Variants in CFAP54 observed in about 807,000 individuals in gnomAD.
CFAP54 encodes cilia and flagella associated protein 54, also known as cilia- and flagella-associated protein 54.
Under a neutral mutation model 370.4 loss-of-function variants are expected in CFAP54, and 290 were observed. The ratio of observed to expected loss-of-function variants is 0.78; its 90% CI spans 0.71 to 0.86. The LOEUF (loss-of-function observed/expected upper bound fraction) is 0.86. Ranked by LOEUF, CFAP54 falls within the 40% of genes least tolerant of loss-of-function variation. The pLI is 0.00. For synonymous variants in CFAP54, 1,206 were observed against 1,236.5 expected, an observed-to-expected ratio of 0.98 and a Z score of 0.52; for missense variants, 3,399 against 3,528.7, an observed-to-expected ratio of 0.96 and a Z score of 0.93.
chr12:96,643,574 T>A (rs1184453210), intron 32 of CFAP54, among the ~76,000 whole-genome samples: 2 of 152,352 alleles, frequency 1.3e-5, no homozygotes, highest in East Asian at 3.9e-4. Context: ...TGCAAGTAAT[T>A]GGACTACTTT....
At position 96,580,602 on chromosome 12, in the gene CFAP54, C is replaced by T; in HGVS notation, c.2802C>T (p.Ser934=). 2 of 1,514,480 alleles carry T rather than the reference C, an allele frequency of 1.3e-6. No individual in the cohort carries two copies. The highest frequency in any genetic ancestry group is 1.8e-6 in the Non-Finnish European group (2 of 1,136,032). The allele number at this position is 1,514,480 out of a possible 1,614,324, so 93.8% of individuals were successfully genotyped here. The change falls in exon 21 of 68, where the codon TCC becomes TCT. Residue 934 remains serine (S), a synonymous_variant. Transcript: ENST00000524981. ...CTCATTTTTCTCGTCGGCAGGTCTC[C>T]TGGTACTGCATTTTGGGTTGCAAAG... is the stretch of plus-strand genomic sequence containing the variant. ...PAPFTSEVKV[S]WYCILGCKAE... is the part of the protein sequence containing the mutation.
intron 39 of CFAP54, among the ~76,000 whole-genome samples, chr12:96,664,707 ATATATATCTATATATATC>A (rs1957045255): frequency 8.6e-5 from 1 of 11,640 alleles, no homozygotes; most frequent in Admixed American, 1.0e-3. Flanking sequence ...CTATATATAT[ATATATATCTATATATATC>A]TATATATATA....
At chr12:96,781,586 A>C (rs1411869861) in intron 60 of CFAP54, among the ~76,000 whole-genome samples, 1 of 152,178 alleles carries the variant, frequency 6.6e-6, no homozygotes, top group Admixed American at 6.5e-5. Flanking sequence ...TGGAAATAGA[A>C]AACCCAGCAA....
At chr12:96,739,695 A>C (rs1413025316) in intron 50 of CFAP54, among the ~76,000 whole-genome samples, 3 of 152,162 alleles carry the variant, frequency 2.0e-5, no homozygotes, top group African/African-American at 7.2e-5. Context: ...ATTATGTCTC[A>C]GTCACTATGG....
chr12:96,531,163 A>G (rs1193181652), intron 9 of CFAP54, among the ~76,000 whole-genome samples: 1 of 151,894 alleles, frequency 6.6e-6, no homozygotes, highest in African/African-American at 2.4e-5. Flanking sequence ...TTCTAAATTC[A>G]TTTCTTTTTG....
At chr12:96,632,857 G>A (rs1237532025) in intron 32 of CFAP54, among the ~76,000 whole-genome samples, 2 of 151,922 alleles carry the variant, frequency 1.3e-5, no homozygotes, top group Non-Finnish European at 2.9e-5. Context: ...TTACACTGTT[G>A]TGTTTTTCTG....
intron 40 of CFAP54, among the ~76,000 whole-genome samples, chr12:96,681,113 AC>A (rs747059710): frequency 7.3e-6 from 1 of 137,456 alleles, no homozygotes. Context: ...ACAGAAAAGC[AC>A]CCCCCCACAC....
rs1037831656 is a variant in CFAP54 at position 96,598,660 on chromosome 12, A to G, written c.3532A>G (p.Ile1178Val). The G allele has an allele frequency of 1.5e-6, 1 of 668,548 alleles. No individual in the cohort carries two copies. Among genetic ancestry groups the G allele is most frequent in the Admixed American group, 2.1e-5 (1 of 46,812 alleles). 41.4% of individuals were successfully genotyped at this position (668,548 alleles called of 1,614,324 possible). A position where few individuals can be genotyped will look rare whatever the true frequency, so the allele number is the denominator to read the frequency against. Residue 1178 changes from isoleucine to valine, a missense_variant, in exon 26 of 68, where the codon ATA (isoleucine) becomes GTA (valine). Around this residue, in one of 3 missense-constraint regions of CFAP54, gnomAD observed 2,796 missense variants for 2,869.7 expected, o/e 0.97. Transcript: ENST00000524981. ...TAATTTTTAGATCCTGATAAAGTGT[A>G]TAGTGGTTTTGCAAGGACTACCAAG... ...VPVVQILIKC[I>V]VVLQGLPSIV...
At position 96,554,674 on chromosome 12, in the gene CFAP54, A is replaced by T. The variant is rs747664967; in HGVS notation, c.2284-2A>T. ...TTTTATTTCAACTCTGTTGGACCAA[A>T]GCGTACCCACCATATAGATGGAGAT... On this transcript the variant is annotated splice_acceptor_variant, in intron 16 of 67. Transcript: ENST00000524981. LOFTEE classifies it high-confidence loss of function. 6.5e-7 allele frequency: 1 copy of T among 1,529,240 alleles called. No homozygotes were observed. The highest frequency in any genetic ancestry group is 1.2e-5 in the South Asian group (1 of 82,874). 94.7% of individuals were successfully genotyped at this position (1,529,240 alleles called of 1,614,324 possible).
chr12:96,663,882 T>G lies in CFAP54; in HGVS notation c.5513T>G (p.Ile1838Ser). The G allele has an allele frequency of 1.9e-6, 3 of 1,613,432 alleles. No individual in the cohort carries two copies. Among genetic ancestry groups the G allele is most frequent in the Non-Finnish European group, 2.5e-6 (3 of 1,179,652 alleles). The change falls in exon 39 of 68, where the codon ATT becomes AGT. Residue 1838 changes from isoleucine to serine, a missense_variant. This residue lies in a region of CFAP54 where 2,796 missense variants were observed against 2,869.7 expected (regional missense o/e 0.97). Transcript: ENST00000524981. ...CAGCTTAAGATTAATTCTTCAACCA[T>G]TGAAGCAACAAGCAACTGCACAGAT... ...GKQLKINSSTIEATSNCTDLL... is the reference protein window; with the variant it reads ...GKQLKINSSTSEATSNCTDLL...
rs578134793 is a variant in CFAP54 at position 96,615,517 on chromosome 12, C to G, written c.3640-6073C>G. ...AAAAGCCAAAATTGACAAATGGGAT[C>G]TAATTAAACTAAAGAGCTTCTGCAC... is the stretch of plus-strand genomic sequence containing the variant. On this transcript the variant is annotated intron_variant, in intron 26 of 67. Coordinates refer to ENST00000524981, the MANE Select transcript of CFAP54 (RefSeq NM_001306084.2). Among the ~76,000 whole-genome samples the G allele has an allele frequency of 2.6e-3, 400 of 152,262 alleles. 3 individuals are homozygous for G. Among genetic ancestry groups the G allele is most frequent in the Non-Finnish European group, 2.0e-3 (134 of 68,016 alleles).
At chr12:96,865,852 A>G (rs1251159882) in intron 67 of CFAP54, among the ~76,000 whole-genome samples, 1 of 152,110 alleles carries the variant, frequency 6.6e-6, no homozygotes, top group Non-Finnish European at 1.5e-5. Context: ...ACTAAAAATC[A>G]TTTTGAAACT....
At chr12:96,731,879 A>T (rs921622030) in intron 50 of CFAP54, among the ~76,000 whole-genome samples, 4 of 151,464 alleles carry the variant, frequency 2.6e-5, no homozygotes, top group African/African-American at 4.9e-5. Context: ...AACAAACTTT[A>T]AAAAAAAAGA....
intron 25 of CFAP54, among the ~76,000 whole-genome samples, chr12:96,594,831 G>C (rs907535464): frequency 1.3e-5 from 2 of 152,072 alleles, no homozygotes; most frequent in African/African-American, 4.8e-5. Flanking sequence ...AAAATACCTG[G>C]TGTCTTGGTG....
At chr12:96,764,038 A>G in intron 58 of CFAP54, 113 bp from the exon 59 acceptor site, 1 of 604,852 alleles carries the variant, frequency 1.7e-6, no homozygotes, top group Non-Finnish European at 2.8e-6. Context: ...TCATGTCAAT[A>G]GATACATTAT....
At position 96,743,443 on chromosome 12, in the gene CFAP54, T is replaced by C. The variant is rs1311441840; in HGVS notation, c.7261T>C (p.Cys2421Arg). The C allele has an allele frequency of 6.2e-7, 1 of 1,614,000 alleles. No homozygotes were observed. The highest frequency in any genetic ancestry group is 8.5e-7 in the Non-Finnish European group (1 of 1,179,942). The change falls in exon 53 of 68, where the codon TGT becomes CGT. Residue 2421 changes from cysteine (C) to arginine (R), a missense_variant. By Grantham distance (180) the Cys-to-Arg change is radical. Around this residue, in one of 3 missense-constraint regions of CFAP54, gnomAD observed 2,796 missense variants for 2,869.7 expected, o/e 0.97. Transcript: ENST00000524981. ...TDCLSLINEV[C>R]MEAKSAGDTE... ...TTGCCTGAGCCTCATCAATGAAGTG[T>C]GTATGGAGGCAAAAAGCGCAGGGGA...
chr12:96,776,698 G>A (rs1015264415), intron 60 of CFAP54, among the ~76,000 whole-genome samples: 1 of 152,162 alleles, frequency 6.6e-6, no homozygotes, highest in Non-Finnish European at 1.5e-5. Flanking sequence ...TCATTCCAAA[G>A]TAGAATCTGA....
chr12:96,782,648 A>T (rs985990494), intron 60 of CFAP54, among the ~76,000 whole-genome samples: 2 of 152,184 alleles, frequency 1.3e-5, no homozygotes, highest in Non-Finnish European at 2.9e-5. Flanking sequence ...GTATTGACAA[A>T]TGCCAAGTAT....
At chr12:96,615,595 A>AT (rs1956406844) in intron 26 of CFAP54, among the ~76,000 whole-genome samples, 1 of 152,196 alleles carries the variant, frequency 6.6e-6, no homozygotes, top group South Asian at 2.1e-4. Context: ...ATGGGAGAAA[A>AT]TTTTTGCAAT....
Sources: gnomAD v4.1 joint callset for allele counts (sites outside exome capture counted in the v4.1 genomes callset) on GRCh38, gnomAD v4.1.1 for gene constraint, gnomAD v4.1.1 regional missense constraint, MANE v1.5 for transcripts, NCBI Gene and HGNC (gene_info 2026-07-23, HGNC 2026-07-21) for gene names.